The following DAW1 variants were observed in gnomAD, a reference collection of about 807,000 sequenced individuals.
DAW1 encodes the protein dynein assembly factor with WD repeat domains 1.
A neutral mutation model predicts 56.5 loss-of-function variants in DAW1; 47 were observed. The ratio of observed to expected loss-of-function variants is 0.83; its 90% confidence interval spans 0.66 to 1.06. The LOEUF is 1.06. Ranked by LOEUF, DAW1 falls within the 50% of genes least tolerant of loss-of-function variation. DAW1 has a pLI of 0.00. For synonymous variants in DAW1, 190 were observed against 179.0 expected (o/e 1.06, Z -0.49); for missense variants, 505 against 499.3 (o/e 1.01, Z -0.11).
At chr2:227,874,143 T>C (rs1381576925) in intron 1 of DAW1, among the ~76,000 whole-genome samples, 1 of 152,200 alleles carries the variant, frequency 6.6e-6, no homozygotes, top group Non-Finnish European at 1.5e-5. Flanking sequence ...TAAATGAAGC[T>C]CTTGCTTTCA....
At chr2:227,876,065 T>C (rs60243775) in intron 1 of DAW1, among the ~76,000 whole-genome samples, 6,901 of 152,002 alleles carry the variant, frequency 0.045, 570 homozygotes, top group African/African-American at 0.16. Flanking sequence ...ACCCAGGCTG[T>C]AGTGCAGTGG....
At chr2:227,893,740 C>G in intron 4 of DAW1, 55 bp from the exon 5 acceptor site, 3 of 1,566,856 alleles carry the variant, frequency 1.9e-6, no homozygotes, top group South Asian at 1.2e-5. Flanking sequence ...AACATGAAGT[C>G]TTTATTAACA....
intron 10 of DAW1, among the ~76,000 whole-genome samples, chr2:227,913,268 CATGTG>C (rs1252698553): frequency 9.2e-5 from 14 of 152,240 alleles, no homozygotes; most frequent in African/African-American, 3.4e-4. Context: ...TTCATATCGA[CATGTG>C]ATGTTATATT....
intron 1 of DAW1, chr2:227,876,524 T>C (rs1198750271): frequency 7.7e-7 from 1 of 1,296,798 alleles, no homozygotes; most frequent in African/African-American, 1.5e-5. Flanking sequence ...CATTATCAGA[T>C]AGGAAAAATT....
At chr2:227,874,233 A>T (rs1460723311) in intron 1 of DAW1, among the ~76,000 whole-genome samples, 1 of 152,202 alleles carries the variant, frequency 6.6e-6, no homozygotes, top group East Asian at 1.9e-4. Context: ...CAATAATAAA[A>T]AAACTTGGGC....
At chr2:227,884,175 A>G (rs923159428) in intron 1 of DAW1, among the ~76,000 whole-genome samples, 1 of 152,020 alleles carries the variant, frequency 6.6e-6, no homozygotes, top group Non-Finnish European at 1.5e-5. Context: ...TCATTATCAT[A>G]TTTTTCAATT....
At chr2:227,892,413 C>T (rs578083265) in intron 4 of DAW1, among the ~76,000 whole-genome samples, 36 of 152,030 alleles carry the variant, frequency 2.4e-4, no homozygotes, top group African/African-American at 7.7e-4. Flanking sequence ...AGATTACAGG[C>T]GTGAGCCACC....
At chr2:227,923,862 C>T in intron 12 of DAW1, 72 bp from the exon 13 acceptor site, 1 of 1,576,640 alleles carries the variant, frequency 6.3e-7, no homozygotes, top group Admixed American at 1.7e-5. Context: ...CAGAAAATGT[C>T]AACTTGTAGA....
chr2:227,881,611 A>G (rs1031963471), intron 1 of DAW1, among the ~76,000 whole-genome samples: 2 of 152,148 alleles, frequency 1.3e-5, no homozygotes, highest in Admixed American at 1.3e-4. Flanking sequence ...CTTCATATAC[A>G]TCTTATTTAA....
chr2:227,911,091 A>T (rs188137323), intron 10 of DAW1, among the ~76,000 whole-genome samples: 1 of 151,738 alleles, frequency 6.6e-6, no homozygotes, highest in African/African-American at 2.4e-5. Flanking sequence ...TGACAATTGT[A>T]TATGAAGCTA....
At chr2:227,882,153 A>G (rs1691026393) in intron 1 of DAW1, among the ~76,000 whole-genome samples, 2 of 152,334 alleles carry the variant, frequency 1.3e-5, no homozygotes, top group East Asian at 1.9e-4. Flanking sequence ...TGCTAGAATT[A>G]TATCTGTTAT....
intron 1 of DAW1, among the ~76,000 whole-genome samples, chr2:227,883,201 GTGA>G (rs1288157507): frequency 6.6e-6 from 1 of 152,214 alleles, no homozygotes. Flanking sequence ...TTTCTTGCTA[GTGA>G]TGTATTTTAG....
intron 1 of DAW1, 144 bp downstream of exon 1, chr2:227,871,873 C>A: frequency 1.1e-6 from 1 of 948,944 alleles, no homozygotes; most frequent in Non-Finnish European, 1.6e-6. Flanking sequence ...CCAACCTGTG[C>A]CCCTCATTCC....
chr2:227,918,143 T>A (rs1376967179), intron 10 of DAW1, among the ~76,000 whole-genome samples: 1 of 80,000 alleles, frequency 1.3e-5, no homozygotes, highest in Non-Finnish European at 2.9e-5. Flanking sequence ...CATCCATCCG[T>A]CCATCCATCC....
chr2:227,906,913 A>T (rs568099007), intron 9 of DAW1, among the ~76,000 whole-genome samples: 88 of 152,172 alleles, frequency 5.8e-4, no homozygotes, highest in Non-Finnish European at 7.1e-4. Context: ...TAAATGTCTG[A>T]CTTTGGTTTT....
intron 1 of DAW1, among the ~76,000 whole-genome samples, chr2:227,874,311 C>T (rs1574644277): frequency 6.6e-6 from 1 of 152,296 alleles, no homozygotes; most frequent in Non-Finnish European, 1.5e-5. Context: ...GTCTACTAGA[C>T]CCTTCCAGCT....
chr2:227,911,585 G>T (rs1419349074), intron 10 of DAW1, among the ~76,000 whole-genome samples: 1 of 151,768 alleles, frequency 6.6e-6, no homozygotes, highest in Non-Finnish European at 1.5e-5. Context: ...CTATACAAAG[G>T]GCTGTGCTAT....
intron 6 of DAW1, among the ~76,000 whole-genome samples, chr2:227,900,920 G>A (rs1691526719): frequency 6.6e-6 from 1 of 152,208 alleles, no homozygotes; most frequent in African/African-American, 2.4e-5. Context: ...TAAAGTAGGA[G>A]AGGCAAGCAA....
chr2:227,871,768 C>T (rs753370260), intron 1 of DAW1, 39 bp downstream of exon 1: 3 of 1,612,282 alleles, frequency 1.9e-6, no homozygotes, highest in Non-Finnish European at 2.5e-6. Flanking sequence ...CACGTGGGAC[C>T]CTGGGCTCCC....
Sources: allele counts gnomAD v4.1 joint callset (sites outside exome capture counted in the v4.1 genomes callset), GRCh38; gene constraint gnomAD v4.1.1; transcripts MANE v1.5; gene names NCBI Gene and HGNC (gene_info 2026-07-23, HGNC 2026-07-21).